CD99L2: variants seen among roughly 807,000 people sequenced by gnomAD.
CD99L2 encodes the protein CD99 antigen-like protein 2.
A neutral mutation model predicts 27.3 loss-of-function variants in CD99L2; 24 were observed. That is an observed-to-expected ratio of 0.88 (90% confidence interval 0.64 to 1.24). The LOEUF is 1.24. Ranked by LOEUF, CD99L2 falls within the 50% of genes most tolerant of loss-of-function variation. The probability of loss-of-function intolerance (pLI) is 0.00; values close to 1 mark genes in which losing one functional copy is unlikely to be tolerated. For synonymous variants in CD99L2, 97 were observed against 87.9 expected (o/e 1.10, Z -0.58); for missense variants, 255 against 221.6 (o/e 1.15, Z -0.96).
intron 9 of CD99L2, among the ~76,000 whole-genome samples, chrX:150,775,931 G>A (rs1557419240): frequency 2.7e-5 from 3 of 112,339 alleles, no homozygotes. Context: ...GGGAGCTGGG[G>A]CCCTGGAAGG....
chrX:150,830,285 T>C (rs2046422933), intron 2 of CD99L2, among the ~76,000 whole-genome samples: 1 of 111,697 alleles, frequency 9.0e-6, no homozygotes, highest in South Asian at 3.8e-4. Context: ...GTGTGGTGGC[T>C]AATGCTCATA....
chrX:150,802,302 G>A (rs1485689260), intron 4 of CD99L2, among the ~76,000 whole-genome samples: 6 of 110,944 alleles, frequency 5.4e-5, no homozygotes, highest in African/African-American at 1.6e-4. Flanking sequence ...GGTGGCTCAC[G>A]CCTATAATGC....
chrX:150,803,872 T>C (rs2045956045), intron 4 of CD99L2, among the ~76,000 whole-genome samples: 1 of 112,058 alleles, frequency 8.9e-6, no homozygotes, highest in Non-Finnish European at 1.9e-5. Flanking sequence ...GTTCACACAA[T>C]TGACAACAAA....
intron 2 of CD99L2, among the ~76,000 whole-genome samples, chrX:150,830,818 T>C (rs1482743363): frequency 1.8e-5 from 2 of 111,136 alleles, no homozygotes; most frequent in African/African-American, 3.3e-5. Context: ...TCTTTTCTTT[T>C]CTTTTTTGAG....
intron 1 of CD99L2, among the ~76,000 whole-genome samples, chrX:150,843,750 T>C (rs1295542560): frequency 2.7e-5 from 3 of 111,219 alleles, no homozygotes; most frequent in African/African-American, 9.8e-5. Context: ...TGGTAAATCA[T>C]AGATGCATCA....
chrX:150,769,729 T>C (rs782358930), intron 10 of CD99L2, among the ~76,000 whole-genome samples: 3 of 106,508 alleles, frequency 2.8e-5, no homozygotes, highest in Non-Finnish European at 5.6e-5. Flanking sequence ...TTTCCGGACC[T>C]CCTCATTGGC....
chrX:150,810,562 C>A (rs925479497), intron 4 of CD99L2, among the ~76,000 whole-genome samples: 7 of 108,545 alleles, frequency 6.4e-5, no homozygotes, highest in African/African-American at 2.3e-4. Context: ...AAACACAGAG[C>A]AAGCAGAGTG....
At position 150,768,922 on chromosome X, in the gene CD99L2, A is replaced by G; in HGVS notation, c.*112T>C. On this transcript the variant is annotated 3_prime_UTR_variant, in exon 11 of 11. Transcript: ENST00000370377. ...CTCATCCGGGAAACTCAGACCAACA[A>G]GGAGCCGATGGCACAGAGCAGCACA... 1 of 1,068,086 alleles carries G rather than the reference A, an allele frequency of 9.4e-7. No homozygotes were observed. Among genetic ancestry groups the G allele is most frequent in the Admixed American group, 4.0e-5 (1 of 24,995 alleles). 88.0% of individuals were successfully genotyped at this position (1,068,086 alleles called of 1,213,427 possible). A position where few individuals can be genotyped will look rare whatever the true frequency, so the allele number is the denominator to read the frequency against.
Position 150,766,953 on chromosome X carries a change from GTC to G in CD99L2, c.*2079_*2080del, listed in dbSNP as rs2043323165. ...GGGGCGGTAAGGGAGAGCAAAATGG[GTC>G]TCTCTCAACTGCAGTCAGTGCTCCT... On this transcript the variant is annotated 3_prime_UTR_variant, in exon 11 of 11. Transcript: ENST00000370377. The G allele has an allele frequency of 8.9e-6, 1 of 111,776 alleles. No individual in the cohort carries two copies. The highest frequency in any genetic ancestry group is 1.9e-5 in the Non-Finnish European group (1 of 53,154). The allele number at this position is 111,776 out of a possible 1,213,427, so 9.2% of individuals were successfully genotyped here.
intron 1 of CD99L2, among the ~76,000 whole-genome samples, chrX:150,840,072 A>AG (rs1339455089): frequency 9.1e-6 from 1 of 109,610 alleles, no homozygotes; most frequent in African/African-American, 3.3e-5. Context: ...ATGGAGGCAC[A>AG]TGCTTGTACG....
At chrX:150,886,660 C>G (rs1462735080) in intron 1 of CD99L2, among the ~76,000 whole-genome samples, 4 of 112,503 alleles carry the variant, frequency 3.6e-5, no homozygotes, top group Non-Finnish European at 7.5e-5. Flanking sequence ...ACCCCCCACC[C>G]CCTAGGGGAC....
intron 1 of CD99L2, among the ~76,000 whole-genome samples, chrX:150,837,303 G>C (rs183847447): frequency 1.1e-3 from 123 of 109,755 alleles, no homozygotes; most frequent in African/African-American, 3.7e-3. Flanking sequence ...AGGCTAGAGT[G>C]CAATGGCACA....
intron 9 of CD99L2, 136 bp downstream of exon 9, chrX:150,776,038 T>C (rs2043546064): frequency 1.5e-5 from 13 of 852,720 alleles, no homozygotes; most frequent in African/African-American, 6.2e-5. Flanking sequence ...AACTGTTGCC[T>C]CCACCCCCGT....
chrX:150,883,830 A>G (rs2047368658), intron 1 of CD99L2, among the ~76,000 whole-genome samples: 1 of 112,440 alleles, frequency 8.9e-6, no homozygotes, highest in South Asian at 3.7e-4. Flanking sequence ...TAAAAGAGGA[A>G]ACCAAACTGG....
At chrX:150,888,977 T>C (rs913062033) in intron 1 of CD99L2, among the ~76,000 whole-genome samples, 15 of 112,607 alleles carry the variant, frequency 1.3e-4, no homozygotes, top group African/African-American at 4.8e-4. Flanking sequence ...AAGCCACTAA[T>C]GTGTGGAGGT....
intron 7 of CD99L2, among the ~76,000 whole-genome samples, chrX:150,778,712 A>C (rs937501988): frequency 3.7e-4 from 38 of 103,124 alleles, no homozygotes; most frequent in African/African-American, 1.3e-3. Flanking sequence ...ATATATATAA[A>C]TAAAAGATTC....
At chrX:150,845,359 T>C (rs889901936) in intron 1 of CD99L2, among the ~76,000 whole-genome samples, 45 of 112,158 alleles carry the variant, frequency 4.0e-4, no homozygotes, top group African/African-American at 1.4e-3. Flanking sequence ...ATAGTGGTGA[T>C]AGTTGCACAA....
chrX:150,824,176 GAAGGAGGAGGAGGAA>G lies in CD99L2; in HGVS notation c.130+7040_130+7054del, dbSNP rs1200513378. Among the ~76,000 whole-genome samples, 7 of 46,970 alleles carry G rather than the reference GAAGGAGGAGGAGGAA, an allele frequency of 1.5e-4. 2 individuals carry two copies. In the Admixed American group the frequency reaches 1.7e-3, roughly 12 times the overall value. 40.8% of individuals were successfully genotyped at this position (46,970 alleles called of 115,157 possible). The stretch of plus-strand genomic sequence containing the variant: ...AGGAGGAGGAGGAGGAGGAGGAGGA[GAAGGAGGAGGAGGAA>G]GAAGAAGAGGAGGAGGAAGAGGAGG... On this transcript the variant is annotated intron_variant, in intron 2 of 10. Transcript: ENST00000370377.
chrX:150,846,743 C>T (rs1277095699), intron 1 of CD99L2, among the ~76,000 whole-genome samples: 2 of 111,574 alleles, frequency 1.8e-5, no homozygotes, highest in African/African-American at 6.5e-5. Context: ...TCACCCAGTG[C>T]TTGATAAGCC....
Sources: gnomAD v4.1 joint callset for allele counts (sites outside exome capture counted in the v4.1 genomes callset) on GRCh38, gnomAD v4.1.1 for gene constraint, MANE v1.5 for transcripts, NCBI Gene and HGNC (gene_info 2026-07-23, HGNC 2026-07-21) for gene names.